Variants in ARAP2 observed in about 807,000 individuals in gnomAD.
The protein encoded by ARAP2 is arf-GAP with Rho-GAP domain, ANK repeat and PH domain-containing protein 2.
ARAP2 carries 148 observed loss-of-function variants against 194.5 expected under a neutral mutation model. The ratio of observed to expected loss-of-function variants is 0.76; its 90% CI spans 0.67 to 0.87. The LOEUF is 0.87. Among genes scored for constraint, ARAP2 ranks in the 40% least tolerant of loss-of-function variants. The pLI is 0.00. For synonymous variants in ARAP2, 695 were observed against 683.5 expected (o/e 1.02, Z -0.26); for missense variants, 2,128 against 1,989.7 (o/e 1.07, Z -1.32).
chr4:36,044,441 C>CT (rs1560312985), intron 5 of ARAP2, among the ~76,000 whole-genome samples: 1 of 152,042 alleles, frequency 6.6e-6, no homozygotes, highest in Non-Finnish European at 1.5e-5. Flanking sequence ...TCTGTCATTT[C>CT]TTTTTTAGGT....
chr4:36,139,435 C>CAA (rs1560512478), intron 19 of ARAP2, among the ~76,000 whole-genome samples: 1 of 151,316 alleles, frequency 6.6e-6, no homozygotes, highest in African/African-American at 2.4e-5. Flanking sequence ...TTAACTTTTC[C>CAA]AAAAAAAGTT....
At chr4:36,220,601 C>A (rs1193617091) in intron 2 of ARAP2, among the ~76,000 whole-genome samples, 1 of 151,674 alleles carries the variant, frequency 6.6e-6, no homozygotes, top group Non-Finnish European at 1.5e-5. Context: ...TCAGTCAGGT[C>A]TTTCAAGTAG....
Position 36,073,813 on chromosome 4 carries a change from T to G in ARAP2, c.4619A>C (p.Asp1540Ala). The change falls in exon 32 of 33, where the codon GAT (aspartate) becomes GCT (alanine). Residue 1540 changes from aspartate to alanine, a missense_variant. Transcript: ENST00000303965. ...TSIFIAQHEY[D>A]IWPPAGKERK... ...TTCCTTTCCAGCTGGTGGCCATATA[T>G]CATATTCATGCTGTGGAAACACAAT... 1 of 1,612,970 alleles carries G rather than the reference T, an allele frequency of 6.2e-7. No homozygotes were observed. The highest frequency in any genetic ancestry group is 8.5e-7 in the Non-Finnish European group (1 of 1,179,152).
At position 36,112,677 on chromosome 4, in the gene ARAP2, T is replaced by C. The variant is rs538143443; in HGVS notation, c.4156+1493A>G. ...GGCTCCTATATACTAGGCACTATGC[T>C]AGACATTAGAGATTTAAAAAAAAAA... On this transcript the variant is annotated intron_variant, in intron 26 of 32. Coordinates refer to ENST00000303965, the MANE Select transcript of ARAP2 (RefSeq NM_015230.4). Among the ~76,000 whole-genome samples the C allele has an allele frequency of 2.1e-4, 32 of 151,378 alleles. 1 individual carries two copies. The highest frequency in any genetic ancestry group is 3.4e-3 in the Middle Eastern group (1 of 294).
At chr4:36,144,907 C>CTA (rs1729270611) in intron 19 of ARAP2, among the ~76,000 whole-genome samples, 1 of 151,902 alleles carries the variant, frequency 6.6e-6, no homozygotes, top group Non-Finnish European at 1.5e-5. Context: ...TCATGATGAT[C>CTA]TACTTCCACT....
chr4:36,237,732 C>T (rs1189458960), intron 1 of ARAP2, among the ~76,000 whole-genome samples: 1 of 152,136 alleles, frequency 6.6e-6, no homozygotes, highest in Non-Finnish European at 1.5e-5. Context: ...TTATAAATTA[C>T]CCAGTTTCAG....
chr4:36,104,017 C>G (rs1276517327), intron 27 of ARAP2, among the ~76,000 whole-genome samples: 2 of 151,852 alleles, frequency 1.3e-5, no homozygotes, highest in South Asian at 2.1e-4. Flanking sequence ...GAAATGCAAG[C>G]CATAGATAGA....
intron 2 of ARAP2, among the ~76,000 whole-genome samples, chr4:36,053,047 G>T (rs1722941311): frequency 6.6e-6 from 1 of 151,934 alleles, no homozygotes. Context: ...TCATTTTGTT[G>T]CCCAGGCTGG....
chr4:36,139,583 CTCT>C (rs2109655907), intron 19 of ARAP2, among the ~76,000 whole-genome samples: 1 of 151,622 alleles, frequency 6.6e-6, no homozygotes, highest in South Asian at 2.1e-4. Context: ...GTCTAATTTG[CTCT>C]TTTTTAGATT....
Position 36,238,967 on chromosome 4 carries a change from G to A in ARAP2, c.-160+5212C>T, listed in dbSNP as rs570563102. ...CAAAAACAAAAACAAAAACAAATGT[G>A]CTTGACGAGAAAATAAAGTGTTAAG... On this transcript the variant is annotated intron_variant, in intron 1 of 32. Coordinates refer to ENST00000303965, the MANE Select transcript of ARAP2 (RefSeq NM_015230.4). 4.1e-4 allele frequency among the ~76,000 whole-genome samples: 62 copies of A among 152,108 alleles called. 1 individual carries two copies. The highest frequency in any genetic ancestry group is 8.1e-4 in the Non-Finnish European group (55 of 68,010).
At chr4:36,036,721 A>T (rs1446916427) in intron 5 of ARAP2, among the ~76,000 whole-genome samples, 1 of 152,164 alleles carries the variant, frequency 6.6e-6, no homozygotes, top group Admixed American at 6.6e-5. Context: ...ATCTACTCCA[A>T]GCATCTATTC....
intron 15 of ARAP2, among the ~76,000 whole-genome samples, chr4:36,155,064 G>T (rs1261764153): frequency 6.6e-6 from 1 of 152,126 alleles, no homozygotes; most frequent in Non-Finnish European, 1.5e-5. Flanking sequence ...TTTATCCACA[G>T]ATCAAAACAA....
chr4:36,108,770 CAG>C (rs1719085673), intron 26 of ARAP2, among the ~76,000 whole-genome samples: 3 of 151,920 alleles, frequency 2.0e-5, no homozygotes. Flanking sequence ...AATGTAGCAA[CAG>C]AAACATATGC....
At chr4:36,202,108 T>G (rs1418038607) in intron 6 of ARAP2, among the ~76,000 whole-genome samples, 1 of 152,222 alleles carries the variant, frequency 6.6e-6, no homozygotes, top group Non-Finnish European at 1.5e-5. Flanking sequence ...GCATATTTTA[T>G]GTTATTCCCT....
chr4:36,197,103 T>C (rs1016147239), intron 6 of ARAP2, among the ~76,000 whole-genome samples: 36 of 151,974 alleles, frequency 2.4e-4, no homozygotes, highest in African/African-American at 7.7e-4. Flanking sequence ...TGAGCCTTCC[T>C]TATCTTTTTG....
At chr4:36,123,929 C>T (rs1174218492) in intron 22 of ARAP2, among the ~76,000 whole-genome samples, 3 of 151,780 alleles carry the variant, frequency 2.0e-5, no homozygotes, top group Admixed American at 1.3e-4. Flanking sequence ...CCACAACACA[C>T]AATGAATCAT....
In ARAP2 at chr4:36,163,590, G is replaced by A. The variant is rs185590414; in HGVS notation, c.2173+1324C>T. The stretch of plus-strand genomic sequence containing the variant: ...ATATCTTGTCTATGAAAGAAAAAGG[G>A]GACAGAGAATGACACATAGAAGGAA... On this transcript the variant is annotated intron_variant, in intron 11 of 32. Transcript: ENST00000303965. Among the ~76,000 whole-genome samples the A allele has an allele frequency of 3.3e-5, 5 of 152,202 alleles. No homozygotes were observed. In the East Asian group the frequency reaches 9.6e-4, roughly 29 times the overall value.
chr4:36,088,766 G>A (rs1712638277), intron 28 of ARAP2, among the ~76,000 whole-genome samples: 2 of 152,108 alleles, frequency 1.3e-5, no homozygotes, highest in African/African-American at 4.8e-5. Flanking sequence ...GTGCTGAACA[G>A]AAGCCACAGA....
intron 19 of ARAP2, among the ~76,000 whole-genome samples, chr4:36,146,669 T>C (rs1055010502): frequency 2.6e-5 from 4 of 152,222 alleles, no homozygotes; most frequent in African/African-American, 7.2e-5. Flanking sequence ...CAAACACGGA[T>C]ACTATCCCAT....
Sources: allele counts gnomAD v4.1 joint callset (sites outside exome capture counted in the v4.1 genomes callset), GRCh38; gene constraint gnomAD v4.1.1; transcripts MANE v1.5; gene names NCBI Gene and HGNC (gene_info 2026-07-23, HGNC 2026-07-21).